The following RANBP17 variants were observed in gnomAD, a reference collection of about 807,000 sequenced individuals.
RANBP17 encodes ran-binding protein 17.
RANBP17 carries 158 observed loss-of-function variants against 141.2 expected under a neutral mutation model. The observed-to-expected ratio is 1.12, with a 90% CI of 0.98 to 1.28. The LOEUF (loss-of-function observed/expected upper bound fraction) is 1.28. Among genes scored for constraint, RANBP17 ranks in the 50% most tolerant of loss-of-function variants. The probability of loss-of-function intolerance (pLI) is 0.00; values close to 1 mark genes in which losing one functional copy is unlikely to be tolerated. For missense variants in RANBP17, 1,438 were observed against 1,290.7 expected (o/e 1.11, Z -1.75); for synonymous variants, 430 against 450.0 (o/e 0.96, Z 0.56).
intron 21 of RANBP17, among the ~76,000 whole-genome samples, chr5:171,218,985 A>G (rs552666167): frequency 1.3e-5 from 2 of 152,222 alleles, no homozygotes; most frequent in East Asian, 1.9e-4. Flanking sequence ...CAGTTTCTTC[A>G]TAGTGTCATT....
At chr5:171,207,271 C>G (rs1287715416) in intron 20 of RANBP17, 1 of 152,474 alleles carries the variant, frequency 6.6e-6, no homozygotes, top group African/African-American at 2.4e-5. Flanking sequence ...TCTAGGCTAT[C>G]TAGTGATTAA....
At chr5:171,016,372 A>G (rs1019726067) in intron 14 of RANBP17, among the ~76,000 whole-genome samples, 1 of 152,116 alleles carries the variant, frequency 6.6e-6, no homozygotes, top group South Asian at 2.1e-4. Context: ...TAGCTTACAT[A>G]CCATAAAGAC....
At chr5:171,155,250 CA>C (rs1316847958) in intron 14 of RANBP17, among the ~76,000 whole-genome samples, 1 of 150,514 alleles carries the variant, frequency 6.6e-6, no homozygotes, top group Non-Finnish European at 1.5e-5. Context: ...TTCCCCCAGC[CA>C]AAAAGAGGAT....
chr5:170,998,960 T>G (rs1779019064), intron 14 of RANBP17, among the ~76,000 whole-genome samples: 1 of 152,078 alleles, frequency 6.6e-6, no homozygotes, highest in Non-Finnish European at 1.5e-5. Flanking sequence ...TACCATTGTA[T>G]AGTTCAGAAC....
At position 171,141,842 on chromosome 5, in the gene RANBP17, T is replaced by A. The variant is rs369409699; in HGVS notation, c.1711-28288T>A. ...AGTTCATTTTAAACATTATGGTTGA[T>A]GACCTAACGCTGAATAATACCTGTA... is the stretch of plus-strand genomic sequence containing the variant. On this transcript the variant is annotated intron_variant, in intron 14 of 27. Coordinates refer to ENST00000523189, the MANE Select transcript of RANBP17 (RefSeq NM_022897.5). Among the ~76,000 whole-genome samples the A allele has an allele frequency of 1.3e-3, 196 of 152,294 alleles. 9 individuals are homozygous for A. The South Asian group carries it at 0.039, about 30-fold the overall frequency.
At chr5:170,922,599 C>T (rs563232375) in intron 11 of RANBP17, among the ~76,000 whole-genome samples, 8 of 152,330 alleles carry the variant, frequency 5.3e-5, no homozygotes, top group South Asian at 4.1e-4. Context: ...TGAGTTACGG[C>T]TCCGTGGGCG....
At chr5:170,879,665 A>G (rs1386797568) in intron 2 of RANBP17, among the ~76,000 whole-genome samples, 2 of 152,132 alleles carry the variant, frequency 1.3e-5, no homozygotes, top group Non-Finnish European at 2.9e-5. Flanking sequence ...GTAAGTTCCA[A>G]AGCCATTTCG....
chr5:171,108,453 C>T (rs187946397), intron 14 of RANBP17, among the ~76,000 whole-genome samples: 106 of 152,256 alleles, frequency 7.0e-4, no homozygotes, highest in Non-Finnish European at 1.1e-3. Flanking sequence ...CACTCTGTCA[C>T]CCAGGCTGGA....
In RANBP17 at chr5:171,042,195, T is replaced by C. The variant is rs181372983; in HGVS notation, c.1710+73818T>C. On this transcript the variant is annotated intron_variant, in intron 14 of 27. Coordinates refer to ENST00000523189, the MANE Select transcript of RANBP17 (RefSeq NM_022897.5). ...TCTTTGCTATTGAAAAATACACTTA[T>C]ATTTTTCATAGATCCTAGGCCTATA... 4.8e-3 allele frequency among the ~76,000 whole-genome samples: 723 copies of C among 152,184 alleles called. 4 individuals are homozygous for C. The highest frequency in any genetic ancestry group is 0.017 in the African/African-American group (700 of 41,524).
intron 12 of RANBP17, among the ~76,000 whole-genome samples, chr5:170,934,992 C>G (rs984456552): frequency 2.0e-5 from 3 of 152,148 alleles, no homozygotes; most frequent in African/African-American, 7.2e-5. Context: ...TTCTTGTAGA[C>G]TTTTGTTCAT....
At position 171,240,990 on chromosome 5, in the gene RANBP17, G is replaced by C; in HGVS notation, c.2485G>C (p.Gly829Arg). Reference sequence around the variant, plus strand: ...TCAGATTTATCCAATGAAACTCAAGGGCATCTCCATCTGCTATTCAGCTCT... The same window carrying C: ...TCAGATTTATCCAATGAAACTCAAGCGCATCTCCATCTGCTATTCAGCTCT... ...KDQIYPMKLK[G>R]ISICYSALKS... The change falls in exon 23 of 28, where the codon GGC becomes CGC. Residue 829 changes from glycine to arginine, a missense_variant. By Grantham distance (125) the Gly-to-Arg change is moderately radical. Transcript: ENST00000523189. The C allele has an allele frequency of 6.2e-7, 1 of 1,613,802 alleles. No homozygotes were observed. The highest frequency in any genetic ancestry group is 8.5e-7 in the Non-Finnish European group (1 of 1,179,888).
intron 14 of RANBP17, among the ~76,000 whole-genome samples, chr5:171,024,470 T>C (rs1781099184): frequency 1.3e-5 from 2 of 152,136 alleles, no homozygotes; most frequent in South Asian, 4.1e-4. Flanking sequence ...GCCTAAAATA[T>C]TTACTATCTG....
intron 25 of RANBP17, among the ~76,000 whole-genome samples, chr5:171,266,946 T>A (rs775900061): frequency 2.0e-5 from 3 of 150,252 alleles, no homozygotes; most frequent in Non-Finnish European, 3.0e-5. Context: ...TAAAAATTTT[T>A]AAAAAAACAT....
At chr5:171,275,667 C>T (rs982382392) in intron 25 of RANBP17, among the ~76,000 whole-genome samples, 16 of 152,220 alleles carry the variant, frequency 1.1e-4, no homozygotes, top group African/African-American at 3.6e-4. Flanking sequence ...TGTCTAATTA[C>T]AAGAGGGTTT....
At chr5:171,038,361 G>A (rs1782024908) in intron 14 of RANBP17, among the ~76,000 whole-genome samples, 1 of 151,932 alleles carries the variant, frequency 6.6e-6, no homozygotes, top group Non-Finnish European at 1.5e-5. Flanking sequence ...CAGACTTAAG[G>A]GTTTTTTTCA....
intron 14 of RANBP17, among the ~76,000 whole-genome samples, chr5:171,119,827 G>A (rs1241550394): frequency 6.6e-6 from 1 of 152,000 alleles, no homozygotes; most frequent in African/African-American, 2.4e-5. Context: ...ATCACCTGAG[G>A]TCAGGAGTTC....
intron 14 of RANBP17, among the ~76,000 whole-genome samples, chr5:171,088,458 G>A (rs568390169): frequency 6.6e-6 from 1 of 152,154 alleles, no homozygotes; most frequent in East Asian, 1.9e-4. Context: ...TGCTCTTCTC[G>A]AGGAGTATCT....
At chr5:171,111,132 A>G (rs992422211) in intron 14 of RANBP17, among the ~76,000 whole-genome samples, 1 of 152,046 alleles carries the variant, frequency 6.6e-6, no homozygotes. Flanking sequence ...TTTCAGGAAG[A>G]AAAAGAAAGG....
chr5:171,051,928 A>G (rs1316666025), intron 14 of RANBP17, among the ~76,000 whole-genome samples: 1 of 151,340 alleles, frequency 6.6e-6, no homozygotes, highest in Non-Finnish European at 1.5e-5. Context: ...TTGTTGTTTT[A>G]TGTTATTGTA....
Sources: gnomAD v4.1 joint callset for allele counts (sites outside exome capture counted in the v4.1 genomes callset) on GRCh38, gnomAD v4.1.1 for gene constraint, MANE v1.5 for transcripts, NCBI Gene and HGNC (gene_info 2026-07-23, HGNC 2026-07-21) for gene names.